The following LHFPL3 variants were observed in gnomAD, a reference collection of about 807,000 sequenced individuals.
LHFPL3 encodes the protein LHFPL tetraspan subfamily member 3 protein.
Under a neutral mutation model 19.3 loss-of-function variants are expected in LHFPL3, and 5 were observed. The observed-to-expected ratio is 0.26, with a 90% CI of 0.14 to 0.54. The LOEUF is 0.54. Ranked by LOEUF, LHFPL3 falls within the 20% of genes least tolerant of loss-of-function variation. The pLI, the probability that LHFPL3 is intolerant of heterozygous loss-of-function variation, is 0.94. For synonymous variants in LHFPL3, 133 were observed against 126.2 expected (o/e 1.05, Z -0.36); for missense variants, 249 against 307.4 (o/e 0.81, Z 1.42).
intron 1 of LHFPL3, among the ~76,000 whole-genome samples, chr7:104,648,205 G>A (rs1231108501): frequency 6.6e-6 from 1 of 152,214 alleles, no homozygotes; most frequent in Admixed American, 6.5e-5. Flanking sequence ...CACAAGTCCT[G>A]AAGTATGTGC....
intron 1 of LHFPL3, among the ~76,000 whole-genome samples, chr7:104,402,616 G>A (rs1423245744): frequency 6.6e-6 from 1 of 152,130 alleles, no homozygotes; most frequent in African/African-American, 2.4e-5. Context: ...GGGGTTGAAA[G>A]CCCTAACCAC....
intron 1 of LHFPL3, among the ~76,000 whole-genome samples, chr7:104,617,714 C>T (rs908808338): frequency 6.6e-6 from 1 of 152,170 alleles, no homozygotes; most frequent in Non-Finnish European, 1.5e-5. Flanking sequence ...GCCCAAAGCT[C>T]ACTACTCTGT....
intron 1 of LHFPL3, among the ~76,000 whole-genome samples, chr7:104,613,824 C>T (rs1449126589): frequency 6.6e-6 from 1 of 152,150 alleles, no homozygotes; most frequent in Admixed American, 6.6e-5. Flanking sequence ...GAACTTGACT[C>T]CATTCAAACA....
At chr7:104,832,519 T>C (rs1790972878) in intron 2 of LHFPL3, among the ~76,000 whole-genome samples, 1 of 151,784 alleles carries the variant, frequency 6.6e-6, no homozygotes, top group South Asian at 2.1e-4. Flanking sequence ...TCTTTCATTC[T>C]GTTTTTTCTC....
chr7:104,408,864 C>CTTTTTTTTTTTTTTTTTTT (rs561975535), intron 1 of LHFPL3, among the ~76,000 whole-genome samples: 9 of 105,434 alleles, frequency 8.5e-5, no homozygotes, highest in Admixed American at 1.2e-4. Flanking sequence ...AATTTTCTTT[C>CTTTTTTTTTTTTTTTTTTT]TTTTTTTTTT....
chr7:104,838,348 A>G (rs990254166), intron 2 of LHFPL3, among the ~76,000 whole-genome samples: 1 of 152,172 alleles, frequency 6.6e-6, no homozygotes, highest in South Asian at 2.1e-4. Flanking sequence ...CTAACCCTAC[A>G]TATACACCTC....
chr7:104,369,102 C>G (rs1790558188), intron 1 of LHFPL3, among the ~76,000 whole-genome samples: 1 of 152,110 alleles, frequency 6.6e-6, no homozygotes, highest in African/African-American at 2.4e-5. Flanking sequence ...TAAAATTGTA[C>G]AATTCAATGA....
intron 2 of LHFPL3, among the ~76,000 whole-genome samples, chr7:104,897,999 G>C (rs1042390106): frequency 8.6e-5 from 8 of 92,840 alleles, no homozygotes; most frequent in African/African-American, 3.3e-4. Context: ...AGAAAGAAAT[G>C]TCACCCCTTT....
chr7:104,763,135 C>T (rs1794404576), intron 2 of LHFPL3, among the ~76,000 whole-genome samples: 1 of 152,274 alleles, frequency 6.6e-6, no homozygotes, highest in East Asian at 1.9e-4. Flanking sequence ...CATTTCACAG[C>T]GAAGTACCCA....
intron 1 of LHFPL3, among the ~76,000 whole-genome samples, chr7:104,589,518 A>AT (rs901326405): frequency 4.6e-5 from 7 of 151,914 alleles, no homozygotes; most frequent in African/African-American, 9.7e-5. Flanking sequence ...GTTTGCCGGT[A>AT]TTTTTTTTAG....
chr7:104,718,254 T>C (rs754353624), intron 1 of LHFPL3, among the ~76,000 whole-genome samples: 3 of 152,162 alleles, frequency 2.0e-5, no homozygotes, highest in Non-Finnish European at 4.4e-5. Flanking sequence ...AATACTATAT[T>C]GTGTGCTTGA....
intron 2 of LHFPL3, among the ~76,000 whole-genome samples, chr7:104,881,220 T>C (rs1012942702): frequency 6.6e-6 from 1 of 150,802 alleles, no homozygotes; most frequent in Non-Finnish European, 1.5e-5. Flanking sequence ...ATTGCTGCCA[T>C]AGATAGTGTT....
At chr7:104,682,515 C>T (rs59474549) in intron 1 of LHFPL3, among the ~76,000 whole-genome samples, 12,969 of 152,222 alleles carry the variant, frequency 0.085, 962 homozygotes, top group East Asian at 0.42. Context: ...TGACAGCACT[C>T]AATGAAATGC....
At chr7:104,535,181 A>G (rs994977576) in intron 1 of LHFPL3, among the ~76,000 whole-genome samples, 18 of 152,212 alleles carry the variant, frequency 1.2e-4, no homozygotes, top group African/African-American at 4.3e-4. Flanking sequence ...ATTATCCCTC[A>G]GTAAGAAAGA....
intron 2 of LHFPL3, among the ~76,000 whole-genome samples, chr7:104,813,851 C>A (rs2465063): frequency 2.0e-5 from 3 of 152,096 alleles, no homozygotes; most frequent in Non-Finnish European, 2.9e-5. Context: ...GAGTCATAGC[C>A]CTGACTTGGG....
intron 1 of LHFPL3, among the ~76,000 whole-genome samples, chr7:104,430,159 T>G (rs1324882991): frequency 6.6e-6 from 1 of 151,416 alleles, no homozygotes; most frequent in Admixed American, 6.6e-5. Context: ...GAAAACATCC[T>G]TAGTCTTTGT....
chr7:104,508,750 G>A (rs891794364), intron 1 of LHFPL3, among the ~76,000 whole-genome samples: 19 of 150,240 alleles, frequency 1.3e-4, no homozygotes, highest in African/African-American at 4.6e-4. Flanking sequence ...GCAAGCAGAA[G>A]GAAAGAAATA....
intron 1 of LHFPL3, among the ~76,000 whole-genome samples, chr7:104,709,947 G>A (rs990884342): frequency 6.6e-6 from 1 of 152,086 alleles, no homozygotes; most frequent in Non-Finnish European, 1.5e-5. Flanking sequence ...CTGCAATCTG[G>A]GCACTTTGGG....
chr7:104,723,636 C>G (rs947879664), intron 1 of LHFPL3, among the ~76,000 whole-genome samples: 5 of 142,398 alleles, frequency 3.5e-5, no homozygotes, highest in African/African-American at 1.0e-4. Flanking sequence ...ACAGGAGAAT[C>G]GCTTGAACCC....
Sources: allele counts gnomAD v4.1 joint callset (sites outside exome capture counted in the v4.1 genomes callset), GRCh38; gene constraint gnomAD v4.1.1; transcripts MANE v1.5; gene names NCBI Gene and HGNC (gene_info 2026-07-23, HGNC 2026-07-21).